LRRC56: variants seen among roughly 807,000 people sequenced by gnomAD.
The protein encoded by LRRC56 is leucine-rich repeat-containing protein 56.
In LRRC56, 41 loss-of-function variants were observed where a neutral mutation model predicts 47.8. The observed-to-expected ratio is 0.86, with a 90% confidence interval of 0.67 to 1.11. The LOEUF (loss-of-function observed/expected upper bound fraction) is 1.11. LRRC56 is among the 50% of genes most tolerant of loss of function. The pLI, the probability that LRRC56 is intolerant of heterozygous loss-of-function variation, is 0.00. For missense variants in LRRC56, 759 were observed against 704.2 expected (o/e 1.08, Z -0.88); for synonymous variants, 387 against 311.2 (o/e 1.24, Z -2.56).
the LRRC56 span, among the ~76,000 whole-genome samples, chr11:508,897 TAGCC>T: frequency 6.6e-6 from 1 of 151,838 alleles, no homozygotes; most frequent in East Asian, 1.9e-4. Context: ...TACAAAAACT[TAGCC>T]AGGCATGGTG....
At chr11:512,252 T>C in the LRRC56 span, among the ~76,000 whole-genome samples, 1 of 151,768 alleles carries the variant, frequency 6.6e-6, no homozygotes. Context: ...GTTTTCATTT[T>C]TGAGATGGAG....
chr11:527,128 C>T, the LRRC56 span, among the ~76,000 whole-genome samples: 1 of 151,806 alleles, frequency 6.6e-6, no homozygotes, highest in Non-Finnish European at 1.5e-5. Flanking sequence ...GGTGAAACCC[C>T]GTCTCTACAA....
the LRRC56 span, among the ~76,000 whole-genome samples, chr11:532,063 C>T: frequency 1.3e-5 from 2 of 152,182 alleles, no homozygotes; most frequent in East Asian, 1.9e-4. Context: ...TGCCAGAAGC[C>T]GTGGACACTG....
the LRRC56 span, among the ~76,000 whole-genome samples, chr11:509,636 C>T: frequency 6.6e-6 from 1 of 152,072 alleles, no homozygotes; most frequent in Non-Finnish European, 1.5e-5. Context: ...TAAGCTCCGC[C>T]TCCCAGGTTC....
rs1442405108 is a variant in LRRC56 at position 549,924 on chromosome 11, C to T, written c.349C>T (p.His117Tyr). ...SLRDLGTSLG[H>Y]LQVLWLARCG... ...CAGGGACTTGGGCACGTCTCTGGGC[C>T]ACCTGCAGGTGCTGTGGCTGGCTCG... The change falls in exon 7 of 14, where the codon CAC (histidine) becomes TAC (tyrosine). Residue 117 changes from histidine to tyrosine, a missense_variant. His to Tyr is a moderately conservative substitution (Grantham distance 83). Transcript: ENST00000270115. 2.5e-6 allele frequency: 4 copies of T among 1,612,982 alleles called. No homozygotes were observed. The highest frequency in any genetic ancestry group is 3.4e-6 in the Non-Finnish European group (4 of 1,179,910).
the LRRC56 span, among the ~76,000 whole-genome samples, chr11:513,551 T>C: frequency 6.6e-6 from 1 of 152,132 alleles, no homozygotes; most frequent in Non-Finnish European, 1.5e-5. Context: ...ATAAACTTCG[T>C]TGGTACAGCA....
At chr11:518,911 G>T in the LRRC56 span, among the ~76,000 whole-genome samples, 1 of 151,582 alleles carries the variant, frequency 6.6e-6, no homozygotes. Context: ...GCGGGGGGGC[G>T]TGTCTCCCGG....
At chr11:549,445 G>T (rs560696159) in intron 6 of LRRC56, among the ~76,000 whole-genome samples, 1 of 152,168 alleles carries the variant, frequency 6.6e-6, no homozygotes, top group African/African-American at 2.4e-5. Flanking sequence ...CCAGCAGCTG[G>T]TCCCCACAAA....
the LRRC56 span, among the ~76,000 whole-genome samples, chr11:525,474 G>C: frequency 6.6e-6 from 1 of 151,970 alleles, no homozygotes; most frequent in African/African-American, 2.4e-5. Flanking sequence ...AGTAGGCGGA[G>C]CTTGCAGTGA....
At position 550,090 on chromosome 11, in the gene LRRC56, A is replaced by G; in HGVS notation, c.442A>G (p.Asn148Asp). ...TGCCCAGGAACTCTACGCCTCCTACAACAACATCTCGGACCTGAGCCCACT... is the reference window on the plus strand; with the variant it reads ...TGCCCAGGAACTCTACGCCTCCTACGACAACATCTCGGACCTGAGCCCACT... ...PALKELYASY[N>D]NISDLSPLCL... Residue 148 changes from asparagine to aspartate, a missense_variant, in exon 8 of 14, where the codon AAC becomes GAC. Coordinates refer to ENST00000270115, the MANE Select transcript of LRRC56 (RefSeq NM_198075.4). The G allele has an allele frequency of 6.2e-7, 1 of 1,612,548 alleles. No homozygotes were observed. The highest frequency in any genetic ancestry group is 8.5e-7 in the Non-Finnish European group (1 of 1,179,304).
chr11:540,320 C>T (rs914925997), intron 3 of LRRC56, among the ~76,000 whole-genome samples: 3 of 152,152 alleles, frequency 2.0e-5, no homozygotes, highest in Admixed American at 6.5e-5. Flanking sequence ...GCAGCTGGCC[C>T]GGCACCCCAG....
At chr11:546,016 A>G (rs1639587626) in intron 6 of LRRC56, among the ~76,000 whole-genome samples, 1 of 152,242 alleles carries the variant, frequency 6.6e-6, no homozygotes, top group Non-Finnish European at 1.5e-5. Context: ...CACGCCTATA[A>G]TCCCAGAACT....
At chr11:532,706 TTGTGCTGCCG>T, upstream of LRRC56, 1 of 1,613,168 alleles carries the variant, frequency 6.2e-7, no homozygotes, top group Non-Finnish European at 8.5e-7. Flanking sequence ...CTTCCGCAGC[TTGTGCTGCCG>T]GATCTCACGC....
rs772525350 is a variant in LRRC56 at position 540,736 on chromosome 11, G to A, written c.52G>A (p.Val18Ile). 5.1e-5 allele frequency: 83 copies of A among 1,612,198 alleles called. No homozygotes were observed. Among genetic ancestry groups the A allele is most frequent in the East Asian group, 8.9e-5 (4 of 44,890 alleles). ...SRGPRRSTSS[V>I]RVRELSWQGL... Reference sequence around the variant, plus strand: ...TGGGCCTCGGCGGAGCACCTCCAGCGTCCGGGTGCGGGAGCTGAGCTGGCA... The same window carrying A: ...TGGGCCTCGGCGGAGCACCTCCAGCATCCGGGTGCGGGAGCTGAGCTGGCA... The change falls in exon 4 of 14, where the codon GTC (valine) becomes ATC (isoleucine). Residue 18 changes from valine to isoleucine, a missense_variant. Physicochemically the swap from Val to Ile is conservative, Grantham distance 29. Coordinates refer to ENST00000270115, the MANE Select transcript of LRRC56 (RefSeq NM_198075.4).
Position 551,227 on chromosome 11 carries a change from G to C in LRRC56, c.721G>C (p.Ala241Pro). ...EVPAAHTGPP[A>P]PPRLSQDWLA... ...GCCGGCCGCACACACAGGCCCACCGGCCCCCCCGCGGCTGAGCCAGGACTG... is the reference window on the plus strand; with the variant it reads ...GCCGGCCGCACACACAGGCCCACCGCCCCCCCCGCGGCTGAGCCAGGACTG... Residue 241 changes from alanine to proline, a missense_variant, in exon 9 of 14, where the codon GCC becomes CCC. Physicochemically the swap from Ala to Pro is conservative, Grantham distance 27 (BLOSUM62 -1). Transcript: ENST00000270115. 1.3e-6 allele frequency: 2 copies of C among 1,545,734 alleles called. No homozygotes were observed. The highest frequency in any genetic ancestry group is 1.7e-6 in the Non-Finnish European group (2 of 1,144,012).
chr11:530,375 T>A, the LRRC56 span, among the ~76,000 whole-genome samples: 2 of 152,264 alleles, frequency 1.3e-5, no homozygotes, highest in South Asian at 4.1e-4. Flanking sequence ...GGGAAGTCTA[T>A]CGATGGGGAA....
At chr11:517,652 T>G in the LRRC56 span, among the ~76,000 whole-genome samples, 1 of 151,866 alleles carries the variant, frequency 6.6e-6, no homozygotes, top group Admixed American at 6.5e-5. Context: ...GTCTGGGAAG[T>G]GTACCCAACA....
chr11:517,879 G>T, the LRRC56 span, among the ~76,000 whole-genome samples: 6 of 152,292 alleles, frequency 3.9e-5, no homozygotes, highest in Non-Finnish European at 8.8e-5. Flanking sequence ...CCCCAACCCC[G>T]TGCTCTCTGA....
the LRRC56 span, among the ~76,000 whole-genome samples, chr11:527,606 A>C: frequency 1.3e-5 from 2 of 151,574 alleles, no homozygotes; most frequent in African/African-American, 2.4e-5. Flanking sequence ...ATCTTGGCTC[A>C]CTGCAAGCTC....
Sources: gnomAD v4.1 joint callset for allele counts (sites outside exome capture counted in the v4.1 genomes callset) on GRCh38, gnomAD v4.1.1 for gene constraint, MANE v1.5 for transcripts, NCBI Gene and HGNC (gene_info 2026-07-23, HGNC 2026-07-21) for gene names.